MALRD1: variants seen among roughly 807,000 people sequenced by gnomAD.
MALRD1 encodes MAM and LDL receptor class A domain containing 1, also known as MAM and LDL-receptor class A domain-containing protein 1.
In MALRD1, 247 loss-of-function variants were observed where a neutral mutation model predicts 242.1. The observed-to-expected ratio is 1.02, with a 90% CI of 0.92 to 1.13. MALRD1 has a LOEUF of 1.13. Among genes scored for constraint, MALRD1 ranks in the 50% most tolerant of loss-of-function variants. MALRD1 has a pLI of 0.00. For missense variants in MALRD1, 2,989 were observed against 2,533.1 expected (o/e 1.18, Z -3.86); for synonymous variants, 995 against 866.6 (o/e 1.15, Z -2.60).
chr10:19,705,890 A>G (rs1446303581), intron 38 of MALRD1, among the ~76,000 whole-genome samples: 2 of 151,198 alleles, frequency 1.3e-5, no homozygotes, highest in East Asian at 3.9e-4. Context: ...CACCCAGAAA[A>G]CATTCTACCC....
intron 29 of MALRD1, among the ~76,000 whole-genome samples, chr10:19,457,915 T>C (rs1416106058): frequency 1.3e-5 from 2 of 152,052 alleles, no homozygotes; most frequent in Admixed American, 1.3e-4. Flanking sequence ...AGGCTTGTTT[T>C]ATTTTGGATT....
At chr10:19,577,387 A>G (rs1381770351) in intron 33 of MALRD1, among the ~76,000 whole-genome samples, 1 of 152,224 alleles carries the variant, frequency 6.6e-6, no homozygotes, top group Non-Finnish European at 1.5e-5. Flanking sequence ...TTAGAGCCAG[A>G]AAATGCCATT....
chr10:19,419,038 A>G (rs184101407), intron 28 of MALRD1, among the ~76,000 whole-genome samples: 35 of 152,270 alleles, frequency 2.3e-4, no homozygotes, highest in African/African-American at 8.2e-4. Context: ...TCCCATAACC[A>G]CAGAGGATGA....
At chr10:19,625,714 T>C (rs986316510) in intron 36 of MALRD1, among the ~76,000 whole-genome samples, 2 of 152,180 alleles carry the variant, frequency 1.3e-5, no homozygotes, top group Non-Finnish European at 2.9e-5. Context: ...CTGCACTTGC[T>C]GAAATATATC....
chr10:19,305,879 A>G (rs1842146059), intron 21 of MALRD1, among the ~76,000 whole-genome samples: 2 of 129,106 alleles, frequency 1.5e-5, no homozygotes, highest in South Asian at 4.4e-4. Flanking sequence ...ATTATATAAT[A>G]TATATAATAT....
intron 35 of MALRD1, among the ~76,000 whole-genome samples, chr10:19,610,224 C>T (rs989332430): frequency 4.6e-5 from 7 of 151,778 alleles, no homozygotes; most frequent in African/African-American, 7.3e-5. Flanking sequence ...CTTTGTGGTA[C>T]GAACGTTGAA....
intron 28 of MALRD1, among the ~76,000 whole-genome samples, chr10:19,437,950 T>C (rs947749380): frequency 2.0e-5 from 3 of 152,160 alleles, no homozygotes; most frequent in African/African-American, 4.8e-5. Context: ...TTACAATTTT[T>C]GGTAGTTTCT....
chr10:19,463,133 T>A (rs1170505429), intron 29 of MALRD1, among the ~76,000 whole-genome samples: 1 of 152,152 alleles, frequency 6.6e-6, no homozygotes, highest in Non-Finnish European at 1.5e-5. Context: ...CAATTTCTTA[T>A]AAGGTAATTT....
At chr10:19,358,195 AGTGTGTGTGTGT>A (rs776862926) in intron 26 of MALRD1, among the ~76,000 whole-genome samples, 2 of 145,574 alleles carry the variant, frequency 1.4e-5, no homozygotes, top group African/African-American at 5.2e-5. Flanking sequence ...GCAGGAGTCA[AGTGTGTGTGTGT>A]GTGTGTGTGT....
intron 32 of MALRD1, among the ~76,000 whole-genome samples, chr10:19,542,642 A>G (rs1334672960): frequency 1.3e-5 from 2 of 152,138 alleles, no homozygotes; most frequent in East Asian, 1.9e-4. Context: ...ATTTATATAT[A>G]TAGATGTAAA....
chr10:19,333,846 G>T (rs1464245101), intron 24 of MALRD1, among the ~76,000 whole-genome samples: 1 of 151,980 alleles, frequency 6.6e-6, no homozygotes, highest in East Asian at 1.9e-4. Context: ...ATTTTGACTA[G>T]TGTAAGATGG....
chr10:19,519,849 A>G lies in MALRD1; in HGVS notation c.5321-11345A>G, dbSNP rs17200702. ...TAAGTAAATACTTTAGTTTGGAACA[A>G]AAGACTATTAAACGGTCTACTTTCA... is the stretch of plus-strand genomic sequence containing the variant. On this transcript the variant is annotated intron_variant, in intron 31 of 39. Transcript: ENST00000454679. Among the ~76,000 whole-genome samples, 530 of 152,348 alleles carry G rather than the reference A, an allele frequency of 3.5e-3. 7 individuals are homozygous for G. The East Asian group carries it at 0.05, about 14-fold the overall frequency.
At chr10:19,283,262 T>C in intron 21 of MALRD1, 81 bp downstream of exon 21, 1 of 1,178,694 alleles carries the variant, frequency 8.5e-7, no homozygotes, top group Non-Finnish European at 1.1e-6. Context: ...CACCACCTTA[T>C]CCTAGGCCAA....
At chr10:19,557,552 C>T (rs1835779654) in intron 32 of MALRD1, among the ~76,000 whole-genome samples, 1 of 151,862 alleles carries the variant, frequency 6.6e-6, no homozygotes. Flanking sequence ...CATTGGATTG[C>T]CTTTGATTCC....
chr10:19,162,936 C>A (rs1023482392), intron 12 of MALRD1, among the ~76,000 whole-genome samples: 11 of 151,348 alleles, frequency 7.3e-5, no homozygotes, highest in African/African-American at 2.4e-4. Flanking sequence ...AGTTTAAGAC[C>A]AGTCTGGGTA....
At chr10:19,346,750 A>C (rs1479037688) in intron 24 of MALRD1, among the ~76,000 whole-genome samples, 3 of 152,242 alleles carry the variant, frequency 2.0e-5, no homozygotes, top group African/African-American at 7.2e-5. Context: ...TCCTGGGTTC[A>C]AGCAATTCTT....
chr10:19,636,304 T>C (rs1840121894), intron 36 of MALRD1, among the ~76,000 whole-genome samples: 1 of 152,138 alleles, frequency 6.6e-6, no homozygotes, highest in African/African-American at 2.4e-5. Context: ...TAGGAACATT[T>C]ACTACCCATT....
chr10:19,118,153 T>C (rs1483465236), intron 5 of MALRD1, among the ~76,000 whole-genome samples: 1 of 152,180 alleles, frequency 6.6e-6, no homozygotes, highest in Non-Finnish European at 1.5e-5. Context: ...CATTAAAACA[T>C]ATCACCTGAG....
At chr10:19,064,431 A>G (rs1218097158) in intron 1 of MALRD1, among the ~76,000 whole-genome samples, 2 of 152,022 alleles carry the variant, frequency 1.3e-5, no homozygotes, top group Non-Finnish European at 2.9e-5. Context: ...GCAATTCTCT[A>G]TTGAGGAAAA....
Sources: allele counts gnomAD v4.1 joint callset (sites outside exome capture counted in the v4.1 genomes callset), GRCh38; gene constraint gnomAD v4.1.1; transcripts MANE v1.5; gene names NCBI Gene and HGNC (gene_info 2026-07-23, HGNC 2026-07-21).